ABR: variants seen among roughly 807,000 people sequenced by gnomAD.
ABR encodes the protein ABR activator of RhoGEF and GTPase.
ABR carries 35 observed loss-of-function variants against 107.2 expected under a neutral mutation model. That is an observed-to-expected ratio of 0.33 (90% CI 0.25 to 0.43). The LOEUF is 0.43. ABR is among the 20% of genes least tolerant of loss of function. The pLI, the probability that ABR is intolerant of heterozygous loss-of-function variation, is 1.00. For missense variants in ABR, 815 were observed against 1,115.2 expected, an observed-to-expected ratio of 0.73 and a Z score of 3.83; for synonymous variants, 498 against 462.0, an observed-to-expected ratio of 1.08 and a Z score of -1.00.
intron 1 of ABR, among the ~76,000 whole-genome samples, chr17:1,215,797 T>G (rs1273763148): frequency 6.6e-6 from 1 of 152,006 alleles, no homozygotes; most frequent in Non-Finnish European, 1.5e-5. Flanking sequence ...TAGAAAGAGG[T>G]GGACATAGGA....
chr17:1,016,224 G>T (rs1343840494), intron 16 of ABR, among the ~76,000 whole-genome samples: 1 of 152,028 alleles, frequency 6.6e-6, no homozygotes, highest in Non-Finnish European at 1.5e-5. Flanking sequence ...CATCAGTTTT[G>T]TGGAAGGCAA....
At position 1,148,352 on chromosome 17, in the gene ABR, CAT is replaced by C. The variant is rs1219320216; in HGVS notation, c.62-22987_62-22986del. 6.6e-6 allele frequency among the ~76,000 whole-genome samples: 1 copy of C among 152,206 alleles called. No individual in the cohort carries two copies. Among genetic ancestry groups the C allele is most frequent in the African/African-American group, 2.4e-5 (1 of 41,442 alleles). ...GCTGGTCACAGAAAGGCAAATACCA[CAT>C]GATTCCACTCGGATGAGGTGCTTAG... is the stretch of plus-strand genomic sequence containing the variant. On this transcript the variant is annotated intron_variant, in intron 1 of 22. Transcript: ENST00000302538. The surrounding 1 kb of genome is among the most constrained non-coding windows in gnomAD (Gnocchi z 4.9).
upstream of ABR, among the ~76,000 whole-genome samples, chr17:1,189,122 C>A (rs1458546444): frequency 1.3e-5 from 2 of 152,146 alleles, no homozygotes; most frequent in East Asian, 3.9e-4. Flanking sequence ...CTCGTGTTCT[C>A]CCGAAAGGAG....
rs1158276410 is a variant in ABR at position 1,057,093 on chromosome 17, G to T, written c.1391C>A (p.Ala464Asp). ...IQKLQKKDLQ[A>D]FVLSSVELQV... ...GAGCTCCACTGAGCTCAGGACAAAG[G>T]CCTGGAGATCTGGAGGGAGAGCCGA... Residue 464 changes from alanine to aspartate, a missense_variant, in exon 13 of 23, where the codon GCC becomes GAC. Ala to Asp is a moderately radical substitution (Grantham distance 126). This residue lies in a region of ABR where 385 missense variants were observed against 596.9 expected (regional missense o/e 0.64). Transcript: ENST00000302538. 9.3e-6 allele frequency: 15 copies of T among 1,609,224 alleles called. No homozygotes were observed. The highest frequency in any genetic ancestry group is 1.3e-5 in the African/African-American group (1 of 74,812).
intron 20 of ABR, 63 bp from the exon 21 acceptor site, chr17:1,009,847 G>T: frequency 1.4e-6 from 2 of 1,451,270 alleles, no homozygotes; most frequent in South Asian, 1.1e-5. Flanking sequence ...GGCCCCTGTG[G>T]TCGTGAGGCT....
At chr17:1,086,488 TG>T (rs2036599093) in intron 4 of ABR, among the ~76,000 whole-genome samples, 1 of 151,770 alleles carries the variant, frequency 6.6e-6, no homozygotes, top group Non-Finnish European at 1.5e-5. Context: ...ATGATATATG[TG>T]TATACTTATA....
intron 10 of ABR, among the ~76,000 whole-genome samples, chr17:1,059,843 C>A (rs776204764): frequency 2.6e-5 from 4 of 152,224 alleles, no homozygotes; most frequent in African/African-American, 4.8e-5. Context: ...AGAATGTTCA[C>A]AGCCAGTGTT....
intron 16 of ABR, among the ~76,000 whole-genome samples, chr17:1,026,504 C>T (rs1283029303): frequency 6.6e-6 from 1 of 152,100 alleles, no homozygotes; most frequent in African/African-American, 2.4e-5. Context: ...TGTCTTGAAG[C>T]GGGACTGGGG....
At position 1,179,785 on chromosome 17, in the gene ABR, G is replaced by A; in HGVS notation, c.-58C>T. On this transcript the variant is annotated 5_prime_UTR_variant, in exon 1 of 23. Coordinates refer to ENST00000302538, the MANE Select transcript of ABR (RefSeq NM_021962.5). The surrounding 1 kb of genome is among the most constrained non-coding windows in gnomAD (Gnocchi z 4.9). Reference sequence around the variant, plus strand: ...CGACCCTCATCGCGCAACAAAGGAGGGAGAGCGGGCGGGAGCCGGGGGAGG... The same window carrying A: ...CGACCCTCATCGCGCAACAAAGGAGAGAGAGCGGGCGGGAGCCGGGGGAGG... The A allele has an allele frequency of 7.4e-7, 1 of 1,349,450 alleles. No homozygotes were observed. The allele number at this position is 1,349,450 out of a possible 1,614,324, so 83.6% of individuals were successfully genotyped here. A position where few individuals can be genotyped will look rare whatever the true frequency, so the allele number is the denominator to read the frequency against.
Position 1,050,771 on chromosome 17 carries a change from C to A in ABR, c.1562-137G>T. The stretch of plus-strand genomic sequence containing the variant: ...CGGATGGCATCTTGGCTCTCTCCTC[C>A]CTGAAGCCCGGGACCATCTGGCTTC... On this transcript the variant is annotated intron_variant, in intron 14 of 22. Transcript: ENST00000302538. The surrounding 1 kb of genome is among the most constrained non-coding windows in gnomAD (Gnocchi z 4.6). The A allele has an allele frequency of 1.4e-6, 1 of 710,424 alleles. No homozygotes were observed. The highest frequency in any genetic ancestry group is 2.5e-6 in the Non-Finnish European group (1 of 403,128). 44.0% of individuals were successfully genotyped at this position (710,424 alleles called of 1,614,324 possible).
intron 10 of ABR, among the ~76,000 whole-genome samples, chr17:1,061,900 T>C (rs1269017221): frequency 1.3e-5 from 2 of 152,042 alleles, no homozygotes; most frequent in Middle Eastern, 3.2e-3. Context: ...CAGAAGAAAA[T>C]AGCGCTGTCC....
At chr17:1,159,670 A>AATGTGGTACTCACACACAAGGGAAGT (rs2041205620) in intron 1 of ABR, among the ~76,000 whole-genome samples, 1 of 31,234 alleles carries the variant, frequency 3.2e-5, no homozygotes, top group Admixed American at 3.2e-4. Context: ...GAGAAGTAAG[A>AATGTGGTACTCACACACAAGGGAAGT]ATGCGGTACT....
chr17:1,049,315 C>A lies in ABR; in HGVS notation c.1791+735G>T, dbSNP rs111710835. Among the ~76,000 whole-genome samples the A allele has an allele frequency of 5.8e-3, 886 of 152,132 alleles. 10 individuals carry two copies. The highest frequency in any genetic ancestry group is 0.019 in the African/African-American group (801 of 41,500). On this transcript the variant is annotated intron_variant, in intron 16 of 22. Transcript: ENST00000302538. ...ACTGAGTAGCTGGGATTACAGGCGC[C>A]CGCCACCACGACCTGCTAATTTTTG...
rs559010159 is a variant in ABR at position 1,215,301 on chromosome 17, C to T, written c.838+13492G>A. 5.5e-3 allele frequency among the ~76,000 whole-genome samples: 833 copies of T among 151,802 alleles called. 6 individuals carry two copies. Among genetic ancestry groups the T allele is most frequent in the African/African-American group, 0.019 (809 of 41,500 alleles). On this transcript the variant is annotated intron_variant, in intron 1 of 22. Transcript: ENST00000574139. The stretch of plus-strand genomic sequence containing the variant: ...CCTCTGATGCCGAGCCGAAGCTGGA[C>T]TGTACTGCTGCCATCTCGGCTCACT...
chr17:1,014,952 G>A (rs900407836), intron 16 of ABR, among the ~76,000 whole-genome samples: 1 of 152,100 alleles, frequency 6.6e-6, no homozygotes, highest in Non-Finnish European at 1.5e-5. Flanking sequence ...TTCTCCTAAA[G>A]AATGTTGTCC....
chr17:1,133,522 A>G (rs1187829251), intron 1 of ABR, among the ~76,000 whole-genome samples: 3 of 152,192 alleles, frequency 2.0e-5, no homozygotes, highest in Non-Finnish European at 4.4e-5. Context: ...GATGAATAGC[A>G]TCTTATCAAG....
chr17:1,101,773 G>A (rs923590673), intron 2 of ABR, among the ~76,000 whole-genome samples: 110 of 146,794 alleles, frequency 7.5e-4, no homozygotes, highest in African/African-American at 2.4e-3. Context: ...TCGCTCTGTC[G>A]CCCAGGCTAG....
intron 2 of ABR, among the ~76,000 whole-genome samples, chr17:1,108,699 C>T (rs1010125517): frequency 6.6e-6 from 1 of 152,192 alleles, no homozygotes; most frequent in Non-Finnish European, 1.5e-5. Context: ...CTGGCACAGC[C>T]GCCGGAGCCC....
In ABR at chr17:1,069,940, G is replaced by A. The variant is rs201002436; in HGVS notation, c.1016+29C>T. 239 of 280,302 alleles carry A rather than the reference G, an allele frequency of 8.5e-4. 1 individual carries two copies. Among genetic ancestry groups the A allele is most frequent in the Non-Finnish European group, 1.4e-3 (217 of 156,400 alleles). 17.4% of individuals were successfully genotyped at this position (280,302 alleles called of 1,614,324 possible). A position where few individuals can be genotyped will look rare whatever the true frequency, so the allele number is the denominator to read the frequency against. On this transcript the variant is annotated intron_variant, in intron 9 of 22. Transcript: ENST00000302538. ...CGCAGAGGTCCGGACCCCCTCCCCC[G>A]CCCCGTGCCCCTGGACTCACACACT...
Sources: gnomAD v4.1 joint callset for allele counts (sites outside exome capture counted in the v4.1 genomes callset) on GRCh38, gnomAD v4.1.1 for gene constraint, gnomAD v4.1.1 regional missense constraint, Gnocchi (gnomAD v3.1) non-coding constraint, MANE v1.5 for transcripts, NCBI Gene and HGNC (gene_info 2026-07-23, HGNC 2026-07-21) for gene names.